MED4: variants seen among roughly 807,000 people sequenced by gnomAD.
MED4 encodes the protein mediator of RNA polymerase II transcription subunit 4.
Under a neutral mutation model 35.0 loss-of-function variants are expected in MED4, and 21 were observed. The observed-to-expected ratio is 0.60, with a 90% CI of 0.43 to 0.86. MED4 has a LOEUF of 0.86. Among genes scored for constraint, MED4 ranks in the 40% least tolerant of loss-of-function variants. The probability of loss-of-function intolerance (pLI) is 0.00; values close to 1 mark genes in which losing one functional copy is unlikely to be tolerated. For synonymous variants in MED4, 138 were observed against 114.0 expected (o/e 1.21, Z -1.34); for missense variants, 300 against 319.4 (o/e 0.94, Z 0.46).
intron 2 of MED4, 96 bp from the exon 3 acceptor site, chr13:48,086,548 A>C (rs1950850033): frequency 1.9e-6 from 2 of 1,051,406 alleles, no homozygotes; most frequent in African/African-American, 1.6e-5. Context: ...CTAGGCTATA[A>C]ATTTCAACAC....
chr13:48,087,766 C>T (rs747788707), intron 2 of MED4, among the ~76,000 whole-genome samples: 1 of 152,022 alleles, frequency 6.6e-6, no homozygotes, highest in Non-Finnish European at 1.5e-5. Context: ...AGAAGAATTG[C>T]TTGAACCCAG....
At position 48,077,077 on chromosome 13, in the gene MED4, GCTA is replaced by G; in HGVS notation, c.*59_*61del. On this transcript the variant is annotated 3_prime_UTR_variant, in exon 7 of 7. Coordinates refer to ENST00000258648, the MANE Select transcript of MED4 (RefSeq NM_014166.4). ...TGTCACCTGTAGTTTACATTTCCCT[GCTA>G]CTGTTAAAGAAACAGAATTCTACAG... The G allele has an allele frequency of 3.6e-6, 5 of 1,392,708 alleles. No homozygotes were observed. The highest frequency in any genetic ancestry group is 3.9e-6 in the Non-Finnish European group (4 of 1,032,604). The allele number at this position is 1,392,708 out of a possible 1,614,324, so 86.3% of individuals were successfully genotyped here.
chr13:48,077,897 T>C (rs778995503), intron 6 of MED4, among the ~76,000 whole-genome samples: 2 of 152,192 alleles, frequency 1.3e-5, no homozygotes, highest in African/African-American at 2.4e-5. Flanking sequence ...TTTTCCTGTA[T>C]CTATGTATCT....
intron 1 of MED4, among the ~76,000 whole-genome samples, chr13:48,091,286 G>T (rs1281168782): frequency 6.6e-6 from 1 of 152,104 alleles, no homozygotes; most frequent in Admixed American, 6.5e-5. Flanking sequence ...ATTAGTATCT[G>T]ATGAGCAAAA....
chr13:48,082,687 T>C (rs1054370077), intron 4 of MED4, among the ~76,000 whole-genome samples: 33 of 151,682 alleles, frequency 2.2e-4, no homozygotes, highest in Admixed American at 8.5e-4. Context: ...ATTAGCCGGG[T>C]GTGGTGGCGG....
intron 2 of MED4, among the ~76,000 whole-genome samples, chr13:48,089,277 G>A (rs1344269597): frequency 6.6e-6 from 1 of 152,000 alleles, no homozygotes; most frequent in Non-Finnish European, 1.5e-5. Flanking sequence ...CTCCCCTTTT[G>A]AGGCTCACTG....
intron 1 of MED4, among the ~76,000 whole-genome samples, chr13:48,093,952 G>A (rs1192832798): frequency 1.3e-5 from 2 of 152,228 alleles, no homozygotes; most frequent in African/African-American, 4.8e-5. Flanking sequence ...GGATTCTGAA[G>A]GATATATGAA....
intron 6 of MED4, among the ~76,000 whole-genome samples, chr13:48,077,911 A>T (rs929899409): frequency 3.3e-5 from 5 of 152,154 alleles, no homozygotes; most frequent in African/African-American, 1.2e-4. Context: ...TGTATCTATT[A>T]TATGCATATA....
chr13:48,077,792 C>G (rs1253699862), intron 6 of MED4, among the ~76,000 whole-genome samples: 1 of 152,084 alleles, frequency 6.6e-6, no homozygotes, highest in African/African-American at 2.4e-5. Flanking sequence ...ATTTTAGCAA[C>G]TGGGGACTTT....
Position 48,077,028 on chromosome 13 carries a change from G to T in MED4, c.*111C>A. On this transcript the variant is annotated 3_prime_UTR_variant, in exon 7 of 7. Transcript: ENST00000258648. Reference sequence around the variant, plus strand: ...TTAATGACTGCACAATTCTACCAAAGCCAGTGTTTACCTGGGTATTTTTTG... The same window carrying T: ...TTAATGACTGCACAATTCTACCAAATCCAGTGTTTACCTGGGTATTTTTTG... 2 of 933,576 alleles carry T rather than the reference G, an allele frequency of 2.1e-6. No individual in the cohort carries two copies. Among genetic ancestry groups the T allele is most frequent in the Non-Finnish European group, 3.0e-6 (2 of 665,488 alleles). The allele number at this position is 933,576 out of a possible 1,614,324, so 57.8% of individuals were successfully genotyped here. A position where few individuals can be genotyped will look rare whatever the true frequency, so the allele number is the denominator to read the frequency against.
chr13:48,078,284 C>T (rs2137826510), intron 6 of MED4, among the ~76,000 whole-genome samples: 1 of 141,972 alleles, frequency 7.0e-6, no homozygotes, highest in Middle Eastern at 3.4e-3. Context: ...CCCCTGAAAC[C>T]ATTTCTCCTT....
chr13:48,079,314 G>A (rs565598129), intron 6 of MED4, among the ~76,000 whole-genome samples: 4 of 152,308 alleles, frequency 2.6e-5, no homozygotes, highest in African/African-American at 9.6e-5. Flanking sequence ...TTTAAAAAGA[G>A]AGGCCAAATG....
chr13:48,091,986 T>C (rs1239670821), intron 1 of MED4, among the ~76,000 whole-genome samples: 2 of 152,012 alleles, frequency 1.3e-5, no homozygotes, highest in African/African-American at 4.8e-5. Context: ...GCTGAGGAGG[T>C]GTAGCCAGGG....
chr13:48,081,221 A>C (rs925200834), intron 5 of MED4, among the ~76,000 whole-genome samples: 1 of 152,090 alleles, frequency 6.6e-6, no homozygotes, highest in Non-Finnish European at 1.5e-5. Flanking sequence ...CTGTATGTTC[A>C]CTGTTGGGTG....
At chr13:48,080,039 T>C in intron 5 of MED4, 64 bp from the exon 6 acceptor site, 2 of 1,546,112 alleles carry the variant, frequency 1.3e-6, no homozygotes, top group Non-Finnish European at 1.8e-6. Flanking sequence ...AATATGTTAT[T>C]TGACATACTC....
At chr13:48,092,253 A>G (rs1009956285) in intron 1 of MED4, among the ~76,000 whole-genome samples, 1 of 151,864 alleles carries the variant, frequency 6.6e-6, no homozygotes, top group South Asian at 2.1e-4. Flanking sequence ...GATTACAGGC[A>G]TGTGCCACCA....
At chr13:48,088,373 A>G (rs1445052087) in intron 2 of MED4, among the ~76,000 whole-genome samples, 1 of 152,226 alleles carries the variant, frequency 6.6e-6, no homozygotes, top group Non-Finnish European at 1.5e-5. Context: ...TTCTAATACA[A>G]TAGACAAAAG....
chr13:48,080,060 G>T, intron 5 of MED4, 85 bp from the exon 6 acceptor site: 1 of 1,453,306 alleles, frequency 6.9e-7, no homozygotes, highest in Non-Finnish European at 9.4e-7. Context: ...ATTTTCGCTG[G>T]TTCATGCTGA....
At chr13:48,090,754 C>T (rs1379716102) in intron 1 of MED4, among the ~76,000 whole-genome samples, 1 of 152,130 alleles carries the variant, frequency 6.6e-6, no homozygotes, top group African/African-American at 2.4e-5. Context: ...CCTAAGACTG[C>T]TTGATAAGAG....
Sources: allele counts gnomAD v4.1 joint callset (sites outside exome capture counted in the v4.1 genomes callset), GRCh38; gene constraint gnomAD v4.1.1; transcripts MANE v1.5; gene names NCBI Gene and HGNC (gene_info 2026-07-23, HGNC 2026-07-21).